The following XKR6 variants were observed in gnomAD, a reference collection of about 807,000 sequenced individuals.
The protein encoded by XKR6 is XK-related protein 6.
XKR6 carries 22 observed loss-of-function variants against 56.7 expected under a neutral mutation model. The ratio of observed to expected loss-of-function variants is 0.39; its 90% CI spans 0.28 to 0.55. The LOEUF is 0.55. Ranked by LOEUF, XKR6 falls within the 20% of genes least tolerant of loss-of-function variation. The pLI is 0.66. For missense variants in XKR6, 852 were observed against 889.0 expected, an observed-to-expected ratio of 0.96 and a Z score of 0.53; for synonymous variants, 524 against 387.8, an observed-to-expected ratio of 1.35 and a Z score of -4.13.
chr8:11,042,552 C>T (rs1799311956), intron 1 of XKR6, among the ~76,000 whole-genome samples: 3 of 152,182 alleles, frequency 2.0e-5, no homozygotes, highest in Admixed American at 2.0e-4. Context: ...AGCCTCCCAG[C>T]CAGGTGGAAC....
rs1049097221 is a variant in XKR6 at position 11,111,439 on chromosome 8, A to T, written c.764+89137T>A. On this transcript the variant is annotated intron_variant, in intron 1 of 2. Transcript: ENST00000416569. The stretch of plus-strand genomic sequence containing the variant: ...GGGTGGACTTTGCATATTCTAATAC[A>T]GGCCATTCTGAGACCGGTTCCAGAC... 2.6e-5 allele frequency among the ~76,000 whole-genome samples: 4 copies of T among 152,300 alleles called. No individual in the cohort carries two copies. In the South Asian group the frequency reaches 8.3e-4, roughly 32 times the overall value.
intron 1 of XKR6, among the ~76,000 whole-genome samples, chr8:10,983,007 A>G (rs1797769611): frequency 6.6e-6 from 1 of 152,222 alleles, no homozygotes; most frequent in Admixed American, 6.5e-5. Flanking sequence ...GGCCCATACC[A>G]ATTAACTTAC....
At chr8:11,050,571 TAAA>T (rs56370844) in intron 1 of XKR6, among the ~76,000 whole-genome samples, 169 of 142,050 alleles carry the variant, frequency 1.2e-3, no homozygotes, top group Middle Eastern at 7.5e-3. Context: ...TCATTTTATT[TAAA>T]AAAAAAAAAA....
At position 10,997,321 on chromosome 8, in the gene XKR6, C is replaced by A. The variant is rs551158805; in HGVS notation, c.765-72491G>T. Among the ~76,000 whole-genome samples, 29 of 152,296 alleles carry A rather than the reference C, an allele frequency of 1.9e-4. No homozygotes were observed. The South Asian group carries it at 5.0e-3, about 26-fold the overall frequency. ...TTAACTCCTTTAATCCTCAGAACAA[C>A]CTCTTGAGGTGACCACTGTTACTAT... On this transcript the variant is annotated intron_variant, in intron 1 of 2. Transcript: ENST00000416569.
chr8:10,966,323 T>G (rs1048417959), intron 1 of XKR6, among the ~76,000 whole-genome samples: 1 of 151,882 alleles, frequency 6.6e-6, no homozygotes, highest in African/African-American at 2.4e-5. Context: ...GCCTTCCCAC[T>G]CAGAACACAG....
chr8:10,943,295 C>T (rs566926638), intron 1 of XKR6, among the ~76,000 whole-genome samples: 8 of 152,334 alleles, frequency 5.3e-5, no homozygotes, highest in African/African-American at 1.7e-4. Context: ...CTATGATGAG[C>T]AGTCCCATTT....
intron 1 of XKR6, chr8:11,128,862 G>C (rs938344818): frequency 1.5e-5 from 7 of 456,810 alleles, no homozygotes; most frequent in South Asian, 9.3e-5. Context: ...ACCATCTTCA[G>C]CCAAGCCACC....
rs768684995 is a variant in XKR6 at position 11,200,666 on chromosome 8, G to T, written c.674C>A (p.Ser225Tyr). 1 of 1,561,730 alleles carries T rather than the reference G, an allele frequency of 6.4e-7. No homozygotes were observed. The highest frequency in any genetic ancestry group is 2.1e-5 in the Admixed American group (1 of 48,238). ...AARGGPGVRV[S>Y]PTPGAQRLCR... ...CAGGCGCTGCGCCCCCGGCGTGGGG[G>T]AGACCCTCACGCCTGGGCCACCGCG... Residue 225 changes from serine to tyrosine, a missense_variant, in exon 1 of 3, where the codon TCC (serine) becomes TAC (tyrosine). This residue lies in a region of XKR6 where 417 missense variants were observed against 355.2 expected (regional missense o/e 1.17). Transcript: ENST00000416569. This position sits in a 1 kb window ranked among gnomAD's most constrained non-coding sequence, Gnocchi z 6.4.
At position 10,896,906 on chromosome 8, in the gene XKR6, T is replaced by A. The variant is rs1466208688; in HGVS notation, c.*1046A>T. 2.0e-5 allele frequency: 3 copies of A among 152,636 alleles called. No homozygotes were observed. The highest frequency in any genetic ancestry group is 2.0e-4 in the Admixed American group (3 of 15,274). 9.5% of individuals were successfully genotyped at this position (152,636 alleles called of 1,614,324 possible). A position where few individuals can be genotyped will look rare whatever the true frequency, so the allele number is the denominator to read the frequency against. On this transcript the variant is annotated 3_prime_UTR_variant, in exon 3 of 3. Coordinates refer to ENST00000416569, the MANE Select transcript of XKR6 (RefSeq NM_173683.4). ...TCTACCATTCACAGCCTTAAAATGA[T>A]GGAACTAATCGTTGTTGCCAGTCAC...
chr8:11,092,903 G>T (rs754300758), intron 1 of XKR6, among the ~76,000 whole-genome samples: 1 of 152,204 alleles, frequency 6.6e-6, no homozygotes, highest in South Asian at 2.1e-4. Flanking sequence ...TGAGGGCCAA[G>T]GAGACCTGGA....
intron 1 of XKR6, among the ~76,000 whole-genome samples, chr8:11,195,391 T>C (rs777069553): frequency 1.2e-4 from 18 of 152,222 alleles, no homozygotes; most frequent in Non-Finnish European, 2.4e-4. Context: ...TTCTATCCAC[T>C]GATTAGCAAT....
chr8:10,989,337 C>T (rs527489841), intron 1 of XKR6, among the ~76,000 whole-genome samples: 2 of 152,228 alleles, frequency 1.3e-5, no homozygotes, highest in Non-Finnish European at 2.9e-5. Context: ...GAAAACAAGA[C>T]AGCCAGAAGG....
intron 1 of XKR6, among the ~76,000 whole-genome samples, chr8:11,034,878 C>T (rs909110372): frequency 2.0e-5 from 3 of 152,238 alleles, no homozygotes; most frequent in African/African-American, 7.2e-5. Flanking sequence ...CCTGTTCCCT[C>T]ACAGTGATGC....
chr8:11,119,257 G>A (rs1386285309), intron 1 of XKR6, among the ~76,000 whole-genome samples: 5 of 152,156 alleles, frequency 3.3e-5, no homozygotes, highest in African/African-American at 7.2e-5. Flanking sequence ...AATAGGTGTG[G>A]TGTCGTGCTG....
At chr8:11,052,908 G>A (rs1462276131) in intron 1 of XKR6, among the ~76,000 whole-genome samples, 1 of 152,174 alleles carries the variant, frequency 6.6e-6, no homozygotes. Context: ...AGCCTTCTGG[G>A]CTGTTGGGCA....
intron 1 of XKR6, among the ~76,000 whole-genome samples, chr8:10,953,332 A>G (rs908248717): frequency 1.3e-5 from 2 of 152,062 alleles, no homozygotes; most frequent in African/African-American, 2.4e-5. Context: ...GTTGTTTAAA[A>G]GTGTGTGGCA....
intron 2 of XKR6, among the ~76,000 whole-genome samples, chr8:10,911,283 G>T (rs1800354297): frequency 1.5e-5 from 2 of 134,112 alleles, no homozygotes; most frequent in Non-Finnish European, 1.6e-5. Context: ...ATAGAGAGAG[G>T]GTGAGATTGT....
chr8:10,949,112 G>A (rs559529104), intron 1 of XKR6, among the ~76,000 whole-genome samples: 1 of 152,352 alleles, frequency 6.6e-6, no homozygotes, highest in South Asian at 2.1e-4. Context: ...GGAGTCCGGG[G>A]TGAGCCCTGG....
At chr8:10,989,311 G>A (rs192012904) in intron 1 of XKR6, among the ~76,000 whole-genome samples, 47 of 152,286 alleles carry the variant, frequency 3.1e-4, no homozygotes, top group East Asian at 2.7e-3. Context: ...AATTCCTTTC[G>A]TTGAATTGTC....
Sources: gnomAD v4.1 joint callset for allele counts (sites outside exome capture counted in the v4.1 genomes callset) on GRCh38, gnomAD v4.1.1 for gene constraint, gnomAD v4.1.1 regional missense constraint, Gnocchi (gnomAD v3.1) non-coding constraint, MANE v1.5 for transcripts, NCBI Gene and HGNC (gene_info 2026-07-23, HGNC 2026-07-21) for gene names.